Variants in PDE8A observed in about 807,000 individuals in gnomAD.
PDE8A encodes high affinity cAMP-specific and IBMX-insensitive 3',5'-cyclic phosphodiesterase 8A.
Under a neutral mutation model 105.0 loss-of-function variants are expected in PDE8A, and 59 were observed. That is an observed-to-expected ratio of 0.56 (90% confidence interval 0.46 to 0.70). The LOEUF (loss-of-function observed/expected upper bound fraction) is 0.70. PDE8A is among the 30% of genes least tolerant of loss of function. The probability of loss-of-function intolerance (pLI) is 0.00; values close to 1 mark genes in which losing one functional copy is unlikely to be tolerated. For synonymous variants in PDE8A, 355 were observed against 371.9 expected (o/e 0.95, Z 0.52); for missense variants, 1,014 against 1,045.9 (o/e 0.97, Z 0.42).
At position 85,121,022 on chromosome 15, in the gene PDE8A, C is replaced by A. The variant is rs1193991647; in HGVS notation, c.1952+8C>A. The A allele has an allele frequency of 5.2e-6, 8 of 1,549,278 alleles. No homozygotes were observed. Among genetic ancestry groups the A allele is most frequent in the Admixed American group, 1.7e-5 (1 of 58,688 alleles). The stretch of plus-strand genomic sequence containing the variant: ...ATTTAAAAACATGGAGAGGTAAGAA[C>A]AATGATTGGGAAGTGTGTTGATCCC... On this transcript the variant is annotated splice_region_variant and intron_variant, in intron 18 of 21. Coordinates refer to ENST00000394553, the MANE Select transcript of PDE8A (RefSeq NM_002605.3).
chr15:85,029,148 A>G (rs565412090), intron 1 of PDE8A, among the ~76,000 whole-genome samples: 1 of 152,154 alleles, frequency 6.6e-6, no homozygotes, highest in Non-Finnish European at 1.5e-5. Context: ...TTTATAGCTA[A>G]TACTTCCATT....
At chr15:85,035,905 A>G (rs1460029616) in intron 1 of PDE8A, among the ~76,000 whole-genome samples, 4 of 152,208 alleles carry the variant, frequency 2.6e-5, no homozygotes, top group Non-Finnish European at 1.5e-5. Context: ...AATAGTGTGC[A>G]TATGTAACAG....
chr15:85,066,047 G>A (rs2081220130), intron 2 of PDE8A, among the ~76,000 whole-genome samples: 1 of 151,822 alleles, frequency 6.6e-6, no homozygotes, highest in South Asian at 2.1e-4. Context: ...TAACTTGGAG[G>A]AATTACATAA....
intron 20 of PDE8A, among the ~76,000 whole-genome samples, chr15:85,134,595 G>A (rs1262295576): frequency 6.6e-6 from 1 of 152,184 alleles, no homozygotes; most frequent in Non-Finnish European, 1.5e-5. Flanking sequence ...CAGAACAGCA[G>A]GAACTCTTCT....
chr15:85,098,702 G>A lies in PDE8A; in HGVS notation c.941+666G>A, dbSNP rs772574794. On this transcript the variant is annotated intron_variant, in intron 9 of 21. Coordinates refer to ENST00000394553, the MANE Select transcript of PDE8A (RefSeq NM_002605.3). ...TAGAAAATTAAATTACCTCATGCCT[G>A]TAATCCCAGCACTTTGGGAGGCCAA... is the stretch of plus-strand genomic sequence containing the variant. Among the ~76,000 whole-genome samples the A allele has an allele frequency of 1.2e-4, 19 of 152,290 alleles. No homozygotes were observed. The South Asian group carries it at 2.3e-3, about 18-fold the overall frequency.
At chr15:85,084,144 CAAAAG>C (rs921797144) in intron 6 of PDE8A, among the ~76,000 whole-genome samples, 64 of 151,694 alleles carry the variant, frequency 4.2e-4, no homozygotes, top group African/African-American at 1.4e-3. Context: ...ATCAGCTTGA[CAAAAG>C]AAAAATAAAG....
intron 1 of PDE8A, among the ~76,000 whole-genome samples, chr15:84,989,323 G>A (rs140593334): frequency 1.9e-4 from 29 of 152,358 alleles, no homozygotes; most frequent in African/African-American, 7.0e-4. Context: ...CTTTTATTCT[G>A]TATTGGTTGG....
intron 1 of PDE8A, among the ~76,000 whole-genome samples, chr15:85,017,421 A>G (rs1383446815): frequency 6.6e-6 from 1 of 151,958 alleles, no homozygotes; most frequent in African/African-American, 2.4e-5. Flanking sequence ...CCTCTTTTCC[A>G]ATTTTTAGAC....
At chr15:85,069,868 G>A (rs1046574012) in intron 3 of PDE8A, among the ~76,000 whole-genome samples, 9 of 151,980 alleles carry the variant, frequency 5.9e-5, no homozygotes, top group African/African-American at 2.2e-4. Flanking sequence ...TTGGGGTAGG[G>A]ATGGGTCCTT....
At chr15:85,067,255 C>T in intron 3 of PDE8A, 51 bp downstream of exon 3, 1 of 1,293,872 alleles carries the variant, frequency 7.7e-7, no homozygotes, top group East Asian at 2.4e-5. Flanking sequence ...TCTGACAATA[C>T]ATGCAGCCTA....
At chr15:85,024,361 A>G (rs925590680) in intron 1 of PDE8A, among the ~76,000 whole-genome samples, 1 of 152,168 alleles carries the variant, frequency 6.6e-6, no homozygotes, top group African/African-American at 2.4e-5. Context: ...TAAGAAGTGA[A>G]TTTGGTCTAG....
chr15:85,039,175 C>T (rs913487486), intron 1 of PDE8A, among the ~76,000 whole-genome samples: 1 of 151,556 alleles, frequency 6.6e-6, no homozygotes, highest in Admixed American at 6.6e-5. Flanking sequence ...CCTATAAGCC[C>T]ATCACTTTGG....
rs57124766 is a variant in PDE8A at position 85,066,583 on chromosome 15, AACACACACACACACACAC to A, written c.244-389_244-372del. ...TGTTGCCCACCCACCATCCCCCCAA[AACACACACACACACACAC>A]ACACACACACACACACACACACACA... On this transcript the variant is annotated intron_variant, in intron 2 of 21. Transcript: ENST00000394553. Among the ~76,000 whole-genome samples, 361 of 117,010 alleles carry A rather than the reference AACACACACACACACACAC, an allele frequency of 3.1e-3. 4 individuals are homozygous for A. Among genetic ancestry groups the A allele is most frequent in the East Asian group, 5.0e-3 (19 of 3,820 alleles). 76.8% of individuals were successfully genotyped at this position (117,010 alleles called of 152,430 possible).
intron 1 of PDE8A, among the ~76,000 whole-genome samples, chr15:84,996,086 A>G (rs922818873): frequency 3.3e-5 from 5 of 152,200 alleles, no homozygotes; most frequent in African/African-American, 1.2e-4. Flanking sequence ...GAACTTTTTA[A>G]TAAGTTTGAA....
chr15:85,127,917 T>G (rs974451595), intron 20 of PDE8A, among the ~76,000 whole-genome samples: 4 of 151,960 alleles, frequency 2.6e-5, no homozygotes, highest in African/African-American at 9.7e-5. Flanking sequence ...CAAGAAAGTG[T>G]GGTGCTGGCA....
intron 1 of PDE8A, among the ~76,000 whole-genome samples, chr15:85,049,647 G>A (rs749753810): frequency 1.1e-4 from 17 of 152,208 alleles, no homozygotes; most frequent in South Asian, 6.2e-4. Context: ...TCCCAGGCCC[G>A]AGTGATTCTC....
chr15:85,115,416 C>T (rs763381388), intron 14 of PDE8A, 23 bp from the exon 15 acceptor site: 2 of 1,503,364 alleles, frequency 1.3e-6, no homozygotes, highest in East Asian at 2.4e-5. Context: ...TTTTCTTTTT[C>T]TTGTTTCCTT....
chr15:85,097,874 G>C (rs2081784626), intron 8 of PDE8A, 74 bp from the exon 9 acceptor site: 1 of 832,306 alleles, frequency 1.2e-6, no homozygotes, highest in Admixed American at 2.1e-5. Context: ...AAGTGAATCA[G>C]AACTGAAGTG....
At position 85,075,850 on chromosome 15, in the gene PDE8A, G is replaced by GTT; in HGVS notation, c.435-5_435-4dup. ...TTTTATATTTATTTTAAAGTTTTGT[G>GTT]TTTTTTTTAAGGTCTATCAGATCAT... On this transcript the variant is annotated splice_polypyrimidine_tract_variant and intron_variant, in intron 3 of 21. Transcript: ENST00000394553. 5.0e-6 allele frequency: 7 copies of GTT among 1,413,400 alleles called. No individual in the cohort carries two copies. Among genetic ancestry groups the GTT allele is most frequent in the African/African-American group, 1.4e-5 (1 of 69,372 alleles). 87.6% of individuals were successfully genotyped at this position (1,413,400 alleles called of 1,614,324 possible). A position where few individuals can be genotyped will look rare whatever the true frequency, so the allele number is the denominator to read the frequency against.
Sources: gnomAD v4.1 joint callset for allele counts (sites outside exome capture counted in the v4.1 genomes callset) on GRCh38, gnomAD v4.1.1 for gene constraint, MANE v1.5 for transcripts, NCBI Gene and HGNC (gene_info 2026-07-23, HGNC 2026-07-21) for gene names.